The following TAF11L14 variants were observed in gnomAD, a reference collection of about 807,000 sequenced individuals.
TAF11L14 encodes TATA-box binding protein associated factor 11 like 14.
chr5:17,634,675 G>T (rs1739777389), exon 1 of TAF11L14: 1 of 398,904 alleles, frequency 2.5e-6, no homozygotes, highest in Non-Finnish European at 4.4e-6. Context: ...CCAAAAGACA[G>T]AAAACAGATA....
the TAF11L14 span, chr5:17,634,673 C>T: frequency 2.5e-6 from 1 of 398,856 alleles, no homozygotes; most frequent in Non-Finnish European, 4.4e-6. Flanking sequence ...AGCCAAAAGA[C>T]AGAAAACAGA....
exon 1 of TAF11L14, chr5:17,634,573 A>G (rs951713033): frequency 5.0e-6 from 2 of 398,350 alleles, no homozygotes; most frequent in Admixed American, 8.8e-5. Flanking sequence ...ACTTGGAAGA[A>G]CCCAGGGCTC....
chr5:17,634,756 T>A (rs1489687191), exon 1 of TAF11L14: 1 of 398,780 alleles, frequency 2.5e-6, no homozygotes, highest in Non-Finnish European at 4.4e-6. Context: ...CCCTGCTGTC[T>A]GCCATGTCTG....
chr5:17,635,035 T>C lies in TAF11L14; in HGVS notation c.576T>C (p.Tyr192=), dbSNP rs769721060. ...CCAAGGGCCTCTTCCCCAACAACTATAAAAAAGTCATGTTCTAGGCCCAAG... is the reference window on the plus strand; with the variant it reads ...CCAAGGGCCTCTTCCCCAACAACTACAAAAAAGTCATGTTCTAGGCCCAAG... The change falls in exon 1 of 1, where the codon TAT becomes TAC. Residue 192 remains tyrosine, a synonymous_variant. Coordinates refer to ENST00000512227, the Ensembl canonical transcript of TAF11L14. 6.8e-5 allele frequency: 27 copies of C among 398,168 alleles called. 1 individual carries two copies. The highest frequency in any genetic ancestry group is 1.1e-4 in the Non-Finnish European group (25 of 225,702). 24.7% of individuals were successfully genotyped at this position (398,168 alleles called of 1,614,324 possible). A position where few individuals can be genotyped will look rare whatever the true frequency, so the allele number is the denominator to read the frequency against.
At chr5:17,634,498 G>A (rs756828852) in exon 1 of TAF11L14, 2 of 398,366 alleles carry the variant, frequency 5.0e-6, no homozygotes, top group Non-Finnish European at 8.9e-6. Flanking sequence ...CTGCTGAGAT[G>A]TTCGCCATAC....
At chr5:17,634,787 G>A (rs914420417) in exon 1 of TAF11L14, 4 of 398,642 alleles carry the variant, frequency 1.0e-5, no homozygotes. Context: ...GTCCCGCTAT[G>A]AAGTGTGTCG....
At chr5:17,634,624 A>C (rs561017479) in exon 1 of TAF11L14, 2 of 398,464 alleles carry the variant, frequency 5.0e-6, no homozygotes, top group South Asian at 1.3e-4. Flanking sequence ...TGGACCTCAC[A>C]GTAGTTGACA....
Position 17,635,031 on chromosome 5 carries a change from A to G in TAF11L14, c.572A>G (p.Asn191Ser), listed in dbSNP as rs533765671. 4.4e-4 allele frequency: 177 copies of G among 398,264 alleles called. 2 individuals are homozygous for G. The highest frequency in any genetic ancestry group is 6.7e-4 in the Non-Finnish European group (152 of 225,728). 24.7% of individuals were successfully genotyped at this position (398,264 alleles called of 1,614,324 possible). Residue 191 changes from asparagine (N) to serine (S), a missense_variant, in exon 1 of 1, where the codon AAC (asparagine) becomes AGC (serine). Transcript: ENST00000512227. ...AAGCCCAAGGGCCTCTTCCCCAACA[A>G]CTATAAAAAAGTCATGTTCTAGGCC...
rs530163705 is a variant in TAF11L14, at chr5:17,634,653, C to T, written c.194C>T (p.Ala65Val). 1.0e-3 allele frequency: 402 copies of T among 398,700 alleles called. 11 individuals carry two copies. Among genetic ancestry groups the T allele is most frequent in the Non-Finnish European group, 1.5e-3 (348 of 225,996 alleles). 24.7% of individuals were successfully genotyped at this position (398,700 alleles called of 1,614,324 possible). Residue 65 changes from alanine to valine, a missense_variant, in exon 1 of 1, where the codon GCT becomes GTT. Physicochemically the swap from Ala to Val is moderately conservative, Grantham distance 64. Coordinates refer to ENST00000512227, the Ensembl canonical transcript of TAF11L14. The stretch of plus-strand genomic sequence containing the variant: ...GTTGACAATGAGGCCTCAGCCTCAG[C>T]TCCTCCTGCAGCCAAAAGACAGAAA...
At position 17,634,857 on chromosome 5, in the gene TAF11L14, C is replaced by T. The variant is rs560982530; in HGVS notation, c.398C>T (p.Ser133Leu). The T allele has an allele frequency of 1.2e-4, 47 of 398,520 alleles. 2 individuals are homozygous for T. The highest frequency in any genetic ancestry group is 1.1e-3 in the East Asian group (31 of 28,062). 24.7% of individuals were successfully genotyped at this position (398,520 alleles called of 1,614,324 possible). A position where few individuals can be genotyped will look rare whatever the true frequency, so the allele number is the denominator to read the frequency against. Residue 133 changes from serine (S) to leucine (L), a missense_variant, in exon 1 of 1, where the codon TCG (serine) becomes TTG (leucine). Transcript: ENST00000512227. ...CTGATGTGGTCTATCACTGGGAGATCGGTGCCTGAGAACATGGCCATTGCC... is the reference window on the plus strand; with the variant it reads ...CTGATGTGGTCTATCACTGGGAGATTGGTGCCTGAGAACATGGCCATTGCC...
chr5:17,634,990 G>C (rs567316541), exon 1 of TAF11L14: 4 of 398,412 alleles, frequency 1.0e-5, no homozygotes, highest in African/African-American at 6.2e-5. Context: ...ATTTAAGGGA[G>C]GCTGTTTGCA....
chr5:17,634,471 C>T (rs1325129881), exon 1 of TAF11L14: 1 of 398,310 alleles, frequency 2.5e-6, no homozygotes, highest in Non-Finnish European at 4.4e-6. Context: ...TGGAGACCGG[C>T]AGGCAAACAG....
At position 17,634,702 on chromosome 5, in the gene TAF11L14, G is replaced by C. The variant is rs377666158; in HGVS notation, c.243G>C (p.Glu81Asp). The C allele has an allele frequency of 2.8e-5, 11 of 399,034 alleles. No individual in the cohort carries two copies. The South Asian group carries it at 3.8e-4, about 14-fold the overall frequency. 24.7% of individuals were successfully genotyped at this position (399,034 alleles called of 1,614,324 possible). A position where few individuals can be genotyped will look rare whatever the true frequency, so the allele number is the denominator to read the frequency against. The change falls in exon 1 of 1, where the codon GAG becomes GAC. Residue 81 changes from glutamate to aspartate, a missense_variant. Transcript: ENST00000512227. ...AAACAGATACCAAAGGCCAGAAGGA[G>C]AGGAAGCCCAGTGTGGATGCAGAGG...
rs192526000 is a variant in TAF11L14, at chr5:17,634,961, C to T, written c.502C>T (p.Pro168Ser). ...CATGTGTGAGATGTGGGGAGAAATG[C>T]CCCCATTGCAGCCCATGGATTTAAG... The change falls in exon 1 of 1, where the codon CCC becomes TCC. Residue 168 changes from proline (P) to serine (S), a missense_variant. Physicochemically the swap from Pro to Ser is moderately conservative, Grantham distance 74 (BLOSUM62 -1). Transcript: ENST00000512227. 9.8e-4 allele frequency: 392 copies of T among 398,324 alleles called. 10 individuals carry two copies. Among genetic ancestry groups the T allele is most frequent in the Non-Finnish European group, 1.5e-3 (337 of 225,770 alleles). 24.7% of individuals were successfully genotyped at this position (398,324 alleles called of 1,614,324 possible).
rs1206026412 is a variant in TAF11L14, at chr5:17,634,651, A to C, written c.192A>C (p.Ser64=). 2 of 398,618 alleles carry C rather than the reference A, an allele frequency of 5.0e-6. 1 individual carries two copies. Among genetic ancestry groups the C allele is most frequent in the Non-Finnish European group, 8.8e-6 (2 of 226,010 alleles). 24.7% of individuals were successfully genotyped at this position (398,618 alleles called of 1,614,324 possible). The change falls in exon 1 of 1, where the codon TCA becomes TCC. Residue 64 remains serine, a synonymous_variant. Transcript: ENST00000512227. Reference sequence around the variant, plus strand: ...TAGTTGACAATGAGGCCTCAGCCTCAGCTCCTCCTGCAGCCAAAAGACAGA... The same window carrying C: ...TAGTTGACAATGAGGCCTCAGCCTCCGCTCCTCCTGCAGCCAAAAGACAGA...
At chr5:17,635,048 T>A (rs1406579180) in exon 1 of TAF11L14, 2 of 398,420 alleles carry the variant, frequency 5.0e-6, no homozygotes, top group Non-Finnish European at 8.9e-6. Context: ...AAAAGTCATG[T>A]TCTAGGCCCA....
chr5:17,634,798 C>T (rs2126419333), exon 1 of TAF11L14: 1 of 398,650 alleles, frequency 2.5e-6, no homozygotes, highest in East Asian at 3.6e-5. Flanking sequence ...AAGTGTGTCG[C>T]CAGTTAGCTT....
At chr5:17,634,771 G>A (rs1293328133) in exon 1 of TAF11L14, 3 of 398,842 alleles carry the variant, frequency 7.5e-6, no homozygotes, top group Non-Finnish European at 8.8e-6. Flanking sequence ...TGTCTGAGGA[G>A]CAGCTGTCCC....
chr5:17,634,854 G>A (rs1354977422), exon 1 of TAF11L14: 2 of 398,450 alleles, frequency 5.0e-6, no homozygotes, highest in Non-Finnish European at 8.9e-6. Context: ...ATCACTGGGA[G>A]ATCGGTGCCT....
Sources: allele counts gnomAD v4.1 joint callset, GRCh38; gene constraint gnomAD v4.1.1; transcripts MANE v1.5; gene names NCBI Gene and HGNC (gene_info 2026-07-23, HGNC 2026-07-21).